Variants in PCDHGA7 observed in about 807,000 individuals in gnomAD.
The protein encoded by PCDHGA7 is protocadherin gamma subfamily A, 7.
PCDHGA7 carries 44 observed loss-of-function variants against 58.3 expected under a neutral mutation model. The ratio of observed to expected loss-of-function variants is 0.75; its 90% confidence interval spans 0.59 to 0.97. The LOEUF (loss-of-function observed/expected upper bound fraction) is 0.97. Ranked by LOEUF, PCDHGA7 falls within the 50% of genes least tolerant of loss-of-function variation. The pLI is 0.00. For synonymous variants in PCDHGA7, 516 were observed against 504.2 expected (o/e 1.02, Z -0.31); for missense variants, 1,266 against 1,188.7 (o/e 1.06, Z -0.96).
At position 141,408,231 on chromosome 5, in the gene PCDHGA7, G is replaced by C. The variant is rs775180708; in HGVS notation, c.2424+22908G>C. 1.0e-5 allele frequency: 16 copies of C among 1,567,976 alleles called. No individual in the cohort carries two copies. The highest frequency in any genetic ancestry group is 1.2e-5 in the Non-Finnish European group (14 of 1,156,162). ...GGAGGGAGCTGCGCGCAGAGGCGCC[G>C]GGCCGGCCCGCGGCAGGTGCTATTT... is the stretch of plus-strand genomic sequence containing the variant. On this transcript the variant is annotated intron_variant, in intron 1 of 3. Transcript: ENST00000518325.
At chr5:141,404,720 A>C in intron 1 of PCDHGA7, 1 of 1,613,804 alleles carries the variant, frequency 6.2e-7, no homozygotes, top group Non-Finnish European at 8.5e-7. Flanking sequence ...CCTGGTGACC[A>C]AGGTGGTGGC....
At chr5:141,411,771 A>C (rs2095514402) in intron 1 of PCDHGA7, 1 of 151,946 alleles carries the variant, frequency 6.6e-6, no homozygotes, top group Non-Finnish European at 1.5e-5. Flanking sequence ...GGTCTCAGCT[A>C]CTCTGGTGGC....
chr5:141,400,126 G>C, intron 1 of PCDHGA7: 1 of 1,614,090 alleles, frequency 6.2e-7, no homozygotes. Context: ...CTTGCAGGAG[G>C]TGCTGCCGGA....
intron 1 of PCDHGA7, chr5:141,419,070 T>G: frequency 6.2e-7 from 1 of 1,613,926 alleles, no homozygotes; most frequent in Non-Finnish European, 8.5e-7. Context: ...TACTACAAGC[T>G]AGTAACAGAT....
rs761704779 is a variant in PCDHGA7 at position 141,486,764 on chromosome 5, C to T, written c.2425-8043C>T. ...CTTTGACTATGAGCAAACCCAGACA[C>T]TGCAGTTTGAGGTGCAGGCCCGGGA... On this transcript the variant is annotated intron_variant, in intron 1 of 3. Transcript: ENST00000518325. This position sits in a 1 kb window ranked among gnomAD's most constrained non-coding sequence, Gnocchi z 5.0. 6.2e-7 allele frequency: 1 copy of T among 1,614,264 alleles called. No homozygotes were observed. The highest frequency in any genetic ancestry group is 2.2e-5 in the East Asian group (1 of 44,880).
At chr5:141,395,121 T>C (rs773964445) in intron 1 of PCDHGA7, 1 of 1,614,192 alleles carries the variant, frequency 6.2e-7, no homozygotes, top group East Asian at 2.2e-5. Flanking sequence ...TCACCTGATC[T>C]TTCCCCAGCC....
chr5:141,403,358 G>C (rs1031210052), intron 1 of PCDHGA7: 3 of 1,614,026 alleles, frequency 1.9e-6, no homozygotes, highest in Non-Finnish European at 2.5e-6. Flanking sequence ...GTTCCAGGCC[G>C]AAAGTCTGGA....
rs1456303515 is a variant in PCDHGA7 at position 141,384,099 on chromosome 5, T to A, written c.1200T>A (p.Asn400Lys). The change falls in exon 1 of 4, where the codon AAT (asparagine) becomes AAA (lysine). Residue 400 changes from asparagine (N) to lysine (K), a missense_variant. Physicochemically the swap from Asn to Lys is moderately conservative, Grantham distance 94. Coordinates refer to ENST00000518325, the MANE Select transcript of PCDHGA7 (RefSeq NM_018920.4). ...LPFKLEKSID[N>K]YYRLVTTKNL... ...TTAAATTAGAAAAATCAATAGATAA[T>A]TATTATAGATTGGTCACAACCAAAA... 1 of 1,597,622 alleles carries A rather than the reference T, an allele frequency of 6.3e-7. No individual in the cohort carries two copies. Among genetic ancestry groups the A allele is most frequent in the Non-Finnish European group, 8.5e-7 (1 of 1,171,530 alleles).
chr5:141,408,851 G>T, intron 1 of PCDHGA7: 4 of 1,613,574 alleles, frequency 2.5e-6, no homozygotes, highest in African/African-American at 1.3e-5. Context: ...TGCCTTGGAC[G>T]GAGGGGACCC....
intron 1 of PCDHGA7, among the ~76,000 whole-genome samples, chr5:141,453,293 T>TTATG: frequency 6.6e-6 from 1 of 151,872 alleles, no homozygotes; most frequent in Non-Finnish European, 1.5e-5. Flanking sequence ...TTTTAATTAT[T>TTATG]TATTTATTTA....
intron 1 of PCDHGA7, chr5:141,420,925 G>A: frequency 2.8e-6 from 1 of 355,536 alleles, no homozygotes; most frequent in Non-Finnish European, 5.1e-6. Context: ...TCACAAAGGT[G>A]AGCGTAATCA....
At chr5:141,400,903 T>C (rs1489476752) in intron 1 of PCDHGA7, among the ~76,000 whole-genome samples, 1 of 152,258 alleles carries the variant, frequency 6.6e-6, no homozygotes, top group Non-Finnish European at 1.5e-5. Flanking sequence ...TTAATTCATC[T>C]TTTAAAGCAA....
chr5:141,415,494 C>T lies in PCDHGA7; in HGVS notation c.2424+30171C>T, dbSNP rs377609539. 2.5e-6 allele frequency: 4 copies of T among 1,614,110 alleles called. No homozygotes were observed. The African/African-American group carries it at 4.0e-5, about 16-fold the overall frequency. ...CGGACTCGCGAAAGAGTCACCTGAT[C>T]TTCCCCCAGCCCAATTATGCGGACA... On this transcript the variant is annotated intron_variant, in intron 1 of 3. Transcript: ENST00000518325.
intron 1 of PCDHGA7, chr5:141,418,106 G>T (rs2096223296): frequency 6.2e-7 from 1 of 1,613,954 alleles, no homozygotes. Flanking sequence ...GCAGAGCGGG[G>T]ACTTACTTGT....
intron 1 of PCDHGA7, among the ~76,000 whole-genome samples, chr5:141,402,229 AG>A (rs1400203598): frequency 6.6e-6 from 1 of 152,110 alleles, no homozygotes; most frequent in Non-Finnish European, 1.5e-5. Context: ...ACGTTTTTCC[AG>A]GAATTTTATC....
intron 1 of PCDHGA7, chr5:141,421,126 T>G: frequency 1.2e-6 from 1 of 805,588 alleles, no homozygotes; most frequent in Non-Finnish European, 1.9e-6. Context: ...CTTCGCTTTC[T>G]GATATATTTT....
Position 141,476,996 on chromosome 5 carries a change from C to T in PCDHGA7, c.2425-17811C>T. The T allele has an allele frequency of 6.2e-7, 1 of 1,614,250 alleles. No homozygotes were observed. Among genetic ancestry groups the T allele is most frequent in the Non-Finnish European group, 8.5e-7 (1 of 1,180,052 alleles). On this transcript the variant is annotated intron_variant, in intron 1 of 3. Coordinates refer to ENST00000518325, the MANE Select transcript of PCDHGA7 (RefSeq NM_018920.4). The surrounding 1 kb of genome is among the most constrained non-coding windows in gnomAD (Gnocchi z 7.6). ...CCACAACCGCGCCGGCGTGCGGCAA[C>T]TATTCGCCTTAGACCTTGTAACCGG...
At chr5:141,403,704 T>C (rs1207597755) in intron 1 of PCDHGA7, 2 of 1,613,846 alleles carry the variant, frequency 1.2e-6, no homozygotes, top group East Asian at 4.5e-5. Context: ...CGAGTTAAAG[T>C]CCTTGAGAAC....
chr5:141,383,657 A>G lies in PCDHGA7; in HGVS notation c.758A>G (p.Glu253Gly). The change falls in exon 1 of 4, where the codon GAG becomes GGG. Residue 253 changes from glutamate to glycine, a missense_variant. Glu to Gly is a moderately conservative substitution (Grantham distance 98). Coordinates refer to ENST00000518325, the MANE Select transcript of PCDHGA7 (RefSeq NM_018920.4). Reference protein sequence around the residue: ...SLPQYQVTVPENVPVGTRLLT... With the variant: ...SLPQYQVTVPGNVPVGTRLLT... ...CCTCAGTACCAAGTAACTGTCCCCG[A>G]GAATGTGCCAGTGGGTACAAGACTG... The G allele has an allele frequency of 1.2e-6, 2 of 1,614,058 alleles. No individual in the cohort carries two copies. Among genetic ancestry groups the G allele is most frequent in the Non-Finnish European group, 1.7e-6 (2 of 1,179,898 alleles).
Sources: gnomAD v4.1 joint callset for allele counts (sites outside exome capture counted in the v4.1 genomes callset) on GRCh38, gnomAD v4.1.1 for gene constraint, Gnocchi (gnomAD v3.1) non-coding constraint, MANE v1.5 for transcripts, NCBI Gene and HGNC (gene_info 2026-07-23, HGNC 2026-07-21) for gene names.